Variants in USP22 observed in about 807,000 individuals in gnomAD.
USP22 encodes the protein ubiquitin carboxyl-terminal hydrolase 22.
A neutral mutation model predicts 68.1 loss-of-function variants in USP22; 22 were observed. The observed-to-expected ratio is 0.32, with a 90% CI of 0.23 to 0.46. The LOEUF (loss-of-function observed/expected upper bound fraction) is 0.46, where lower values mean the gene tolerates loss of function less well. USP22 is among the 20% of genes least tolerant of loss of function. The pLI is 1.00. For missense variants in USP22, 433 were observed against 695.8 expected (o/e 0.62, Z 4.25); for synonymous variants, 279 against 274.2 (o/e 1.02, Z -0.17).
chr17:21,021,373 G>A (rs1381462866), intron 2 of USP22, 147 bp from the exon 3 acceptor site: 7 of 629,554 alleles, frequency 1.1e-5, no homozygotes, highest in East Asian at 2.8e-5. Flanking sequence ...CCAGTCCAGC[G>A]GAGTCTCCTA....
intron 4 of USP22, among the ~76,000 whole-genome samples, chr17:21,018,679 C>G (rs1319854806): frequency 6.7e-6 from 1 of 150,088 alleles, no homozygotes; most frequent in African/African-American, 2.5e-5. Context: ...GCCTGGGCAA[C>G]AGAGCAAGAC....
chr17:21,012,466 C>T (rs1006080723), intron 7 of USP22, among the ~76,000 whole-genome samples: 5 of 152,082 alleles, frequency 3.3e-5, no homozygotes, highest in Admixed American at 1.3e-4. Flanking sequence ...CTTCGAAGCA[C>T]GTAGAAAAAC....
At position 21,034,991 on chromosome 17, in the gene USP22, G is replaced by T. The variant is rs530102261; in HGVS notation, c.172-6317C>A. On this transcript the variant is annotated intron_variant, in intron 1 of 12. Transcript: ENST00000261497. ...GGAGGTCTTGGAATGTATCCCTCAA[G>T]GATGGGGGTGAGTACTCTATTATCA... 2.0e-5 allele frequency among the ~76,000 whole-genome samples: 3 copies of T among 152,272 alleles called. No individual in the cohort carries two copies. The South Asian group carries it at 6.2e-4, about 32-fold the overall frequency.
rs1015079043 is a variant in USP22, at chr17:21,004,392, G to T, written c.1386-41C>A. 3.1e-6 allele frequency: 5 copies of T among 1,607,520 alleles called. No homozygotes were observed. In the African/African-American group the frequency reaches 6.7e-5, roughly 21 times the overall value. On this transcript the variant is annotated intron_variant, in intron 11 of 12. Transcript: ENST00000261497. ...AGGAGAGGGAGGGCGCAGGTGACTT[G>T]ATGCCGTCACTTGAGGTCATCACCA...
At chr17:21,034,085 G>C (rs532893316) in intron 1 of USP22, among the ~76,000 whole-genome samples, 4 of 151,890 alleles carry the variant, frequency 2.6e-5, no homozygotes, top group African/African-American at 9.7e-5. Flanking sequence ...AAAAAATACG[G>C]CACTAAAAAG....
chr17:21,032,784 C>T (rs2143629654), intron 1 of USP22, among the ~76,000 whole-genome samples: 1 of 151,896 alleles, frequency 6.6e-6, no homozygotes, highest in African/African-American at 2.4e-5. Context: ...ACAAAAAATG[C>T]AAAAATTAGC....
At chr17:21,016,429 T>TC (rs1167481163) in intron 5 of USP22, among the ~76,000 whole-genome samples, 1 of 152,160 alleles carries the variant, frequency 6.6e-6, no homozygotes, top group Non-Finnish European at 1.5e-5. Flanking sequence ...CACGGCTTCC[T>TC]CCCCAGGTCA....
intron 7 of USP22, 143 bp downstream of exon 7, chr17:21,012,687 C>A: frequency 1.3e-6 from 1 of 742,096 alleles, no homozygotes; most frequent in South Asian, 2.0e-5. Context: ...ACCCCACAAC[C>A]TTCGCTCTCA....
intron 7 of USP22, 125 bp from the exon 8 acceptor site, chr17:21,011,434 T>A: frequency 7.8e-7 from 1 of 1,278,652 alleles, no homozygotes; most frequent in South Asian, 1.4e-5. Context: ...GACACTCAGG[T>A]GGGATGGGGC....
chr17:21,036,619 C>G (rs927252389), intron 1 of USP22, among the ~76,000 whole-genome samples: 2 of 151,288 alleles, frequency 1.3e-5, no homozygotes, highest in African/African-American at 4.9e-5. Flanking sequence ...AGTAGATTGT[C>G]GACAGTGGGA....
At chr17:21,029,300 T>G (rs1196141349) in intron 1 of USP22, among the ~76,000 whole-genome samples, 1 of 152,202 alleles carries the variant, frequency 6.6e-6, no homozygotes, top group Non-Finnish European at 1.5e-5. Flanking sequence ...CAGCCGCCAC[T>G]GGCAATAGTT....
Position 21,011,323 on chromosome 17 carries a change from G to A in USP22, c.945-14C>T, listed in dbSNP as rs748476443. Reference sequence around the variant, plus strand: ...GTGGAGACTCCACTGGAAGCAGAGGGAAAACAATGGCTGTGAGGACTGACA... The same window carrying A: ...GTGGAGACTCCACTGGAAGCAGAGGAAAAACAATGGCTGTGAGGACTGACA... On this transcript the variant is annotated splice_polypyrimidine_tract_variant and intron_variant, in intron 7 of 12. Transcript: ENST00000261497. 5.8e-6 allele frequency: 9 copies of A among 1,552,200 alleles called. No homozygotes were observed. In the South Asian group the frequency reaches 1.1e-4, roughly 18 times the overall value.
chr17:21,002,737 ACCC>A lies in USP22; in HGVS notation c.*291_*293del, dbSNP rs1226013328. ...CTCTGTGCTGTGAGGCCCCCGTTGC[ACCC>A]CCATGTCATGACACAAGAGATGTTC... On this transcript the variant is annotated 3_prime_UTR_variant, in exon 13 of 13. Transcript: ENST00000261497. 7.8e-6 allele frequency: 3 copies of A among 385,364 alleles called. No homozygotes were observed. Among genetic ancestry groups the A allele is most frequent in the South Asian group, 4.6e-5 (2 of 43,882 alleles). The allele number at this position is 385,364 out of a possible 1,614,324, so 23.9% of individuals were successfully genotyped here.
chr17:21,004,831 G>T, intron 11 of USP22, 97 bp downstream of exon 11: 20 of 1,396,762 alleles, frequency 1.4e-5, no homozygotes, highest in Non-Finnish European at 1.9e-5. Context: ...CAGGTCAGTG[G>T]CGGGGGATCC....
At chr17:21,020,397 A>C (rs560359157) in intron 3 of USP22, among the ~76,000 whole-genome samples, 1 of 152,270 alleles carries the variant, frequency 6.6e-6, no homozygotes, top group East Asian at 1.9e-4. Context: ...CAAGTGCAAA[A>C]CCCACACTGG....
chr17:21,024,752 G>A (rs1972200101), intron 2 of USP22, among the ~76,000 whole-genome samples: 1 of 152,136 alleles, frequency 6.6e-6, no homozygotes, highest in Admixed American at 6.5e-5. Flanking sequence ...AGGATCACTT[G>A]AGCCCAGAGT....
At chr17:21,007,136 T>C in intron 9 of USP22, 149 bp from the exon 10 acceptor site, 1 of 684,970 alleles carries the variant, frequency 1.5e-6, no homozygotes, top group Admixed American at 3.4e-5. Context: ...GAATTACAGA[T>C]TCAAAAACAC....
chr17:21,023,512 G>T (rs1311025412), intron 2 of USP22, among the ~76,000 whole-genome samples: 1 of 151,906 alleles, frequency 6.6e-6, no homozygotes, highest in Non-Finnish European at 1.5e-5. Context: ...GGGTGTGGTG[G>T]TGTGTGTCTA....
chr17:21,038,916 C>T (rs147903364), intron 1 of USP22, among the ~76,000 whole-genome samples: 122 of 152,182 alleles, frequency 8.0e-4, no homozygotes, highest in African/African-American at 2.9e-3. Flanking sequence ...ACAAAGGAGA[C>T]GCCACTGTGG....
Sources: gnomAD v4.1 joint callset for allele counts (sites outside exome capture counted in the v4.1 genomes callset) on GRCh38, gnomAD v4.1.1 for gene constraint, MANE v1.5 for transcripts, NCBI Gene and HGNC (gene_info 2026-07-23, HGNC 2026-07-21) for gene names.